Variants in AKAP6 observed in about 807,000 individuals in gnomAD.
AKAP6 encodes the protein A-kinase anchoring protein 6.
Under a neutral mutation model 188.5 loss-of-function variants are expected in AKAP6, and 58 were observed. The ratio of observed to expected loss-of-function variants is 0.31; its 90% CI spans 0.25 to 0.38. The LOEUF is 0.38. Ranked by LOEUF, AKAP6 falls within the 10% of genes least tolerant of loss-of-function variation. The pLI is 1.00. For missense variants in AKAP6, 2,710 were observed against 2,740.0 expected (o/e 0.99, Z 0.24); for synonymous variants, 989 against 998.6 (o/e 0.99, Z 0.18).
At chr14:32,578,608 A>G (rs1051195922) in intron 5 of AKAP6, among the ~76,000 whole-genome samples, 1 of 152,196 alleles carries the variant, frequency 6.6e-6, no homozygotes, top group Admixed American at 6.5e-5. Flanking sequence ...TTTCACTGGC[A>G]TTGTTCTGAC....
At chr14:32,741,018 C>CT (rs765988445) in intron 11 of AKAP6, among the ~76,000 whole-genome samples, 29,342 of 136,576 alleles carry the variant, frequency 0.21, 3,084 homozygotes, top group Middle Eastern at 0.27. Context: ...TTCCTTTTTT[C>CT]TTTTTTTTTT....
chr14:32,350,623 T>G (rs2138444355), intron 1 of AKAP6, among the ~76,000 whole-genome samples: 1 of 152,318 alleles, frequency 6.6e-6, no homozygotes, highest in Non-Finnish European at 1.5e-5. Context: ...AGTTTTATAC[T>G]TTTTACATAT....
In AKAP6 at chr14:32,350,629, C is replaced by T. The variant is rs559196696; in HGVS notation, c.-35+21221C>T. ...ACTAAGATCAGTTTTATACTTTTTA[C>T]ATATGTACCTTGATAACATGAGATG... On this transcript the variant is annotated intron_variant, in intron 1 of 13. Transcript: ENST00000280979. Among the ~76,000 whole-genome samples the T allele has an allele frequency of 3.3e-5, 5 of 152,228 alleles. No individual in the cohort carries two copies. The South Asian group carries it at 1.0e-3, about 32-fold the overall frequency.
In AKAP6 at chr14:32,675,696, C is replaced by A. The variant is rs192175164; in HGVS notation, c.2731-2615C>A. Among the ~76,000 whole-genome samples, 169 of 152,326 alleles carry A rather than the reference C, an allele frequency of 1.1e-3. 1 individual carries two copies. The highest frequency in any genetic ancestry group is 3.8e-3 in the African/African-American group (160 of 41,574). On this transcript the variant is annotated intron_variant, in intron 7 of 13. Coordinates refer to ENST00000280979, the MANE Select transcript of AKAP6 (RefSeq NM_004274.5). ...GAAAGACCTGGGCCATCTAATTCAT[C>A]TCCTTGTTAGTGCAGGGAAGTTTCC... is the stretch of plus-strand genomic sequence containing the variant.
intron 7 of AKAP6, among the ~76,000 whole-genome samples, chr14:32,642,101 T>C (rs1356535572): frequency 6.6e-6 from 1 of 152,196 alleles, no homozygotes; most frequent in Non-Finnish European, 1.5e-5. Context: ...ATCTAATAAC[T>C]AGCATATCAG....
At position 32,334,124 on chromosome 14, in the gene AKAP6, CAT is replaced by C. The variant is rs201659559; in HGVS notation, c.-35+4720_-35+4721del. Reference sequence around the variant, plus strand: ...GTGGTTTTTCAGAGGAATAGCAATCCATATAGGACTTTGGCCATGGCAACAGA... The same window carrying C: ...GTGGTTTTTCAGAGGAATAGCAATCCATAGGACTTTGGCCATGGCAACAGA... On this transcript the variant is annotated intron_variant, in intron 1 of 13. Transcript: ENST00000280979. Among the ~76,000 whole-genome samples, 1,023 of 152,246 alleles carry C rather than the reference CAT, an allele frequency of 6.7e-3. 10 individuals are homozygous for C. Among genetic ancestry groups the C allele is most frequent in the African/African-American group, 0.023 (972 of 41,542 alleles).
intron 11 of AKAP6, among the ~76,000 whole-genome samples, chr14:32,759,494 C>T (rs2032463051): frequency 1.3e-5 from 2 of 152,136 alleles, no homozygotes; most frequent in African/African-American, 4.8e-5. Flanking sequence ...AGCAAAAGAG[C>T]CAATGAGTGT....
intron 10 of AKAP6, among the ~76,000 whole-genome samples, 154 bp from the exon 11 acceptor site, chr14:32,735,504 G>A (rs1361296693): frequency 6.6e-6 from 1 of 152,060 alleles, no homozygotes; most frequent in Non-Finnish European, 1.5e-5. Context: ...GAGGTGGCAG[G>A]TATAGATGGA....
At chr14:32,357,856 A>G (rs1351676106) in intron 1 of AKAP6, among the ~76,000 whole-genome samples, 2 of 152,224 alleles carry the variant, frequency 1.3e-5, no homozygotes, top group Non-Finnish European at 2.9e-5. Flanking sequence ...GTAATGCACA[A>G]TCTGCATTGT....
chr14:32,509,988 T>G (rs1881093801), intron 2 of AKAP6, among the ~76,000 whole-genome samples: 1 of 152,134 alleles, frequency 6.6e-6, no homozygotes. Flanking sequence ...GCTGACCTCA[T>G]GCAGATTGAA....
intron 7 of AKAP6, among the ~76,000 whole-genome samples, chr14:32,637,816 G>T (rs1174465607): frequency 6.6e-6 from 1 of 152,026 alleles, no homozygotes; most frequent in African/African-American, 2.4e-5. Flanking sequence ...GATAATGGGA[G>T]TTGATTGCAG....
At chr14:32,616,282 A>G (rs773940836) in intron 7 of AKAP6, among the ~76,000 whole-genome samples, 3 of 152,212 alleles carry the variant, frequency 2.0e-5, no homozygotes, top group Non-Finnish European at 4.4e-5. Context: ...TAATCGTTCT[A>G]TCATAAAGAC....
At chr14:32,663,831 T>C (rs1888805877) in intron 7 of AKAP6, among the ~76,000 whole-genome samples, 1 of 152,110 alleles carries the variant, frequency 6.6e-6, no homozygotes, top group Non-Finnish European at 1.5e-5. Flanking sequence ...AGATCTTTCC[T>C]TTAAATAGAT....
intron 12 of AKAP6, among the ~76,000 whole-genome samples, chr14:32,800,977 A>G (rs1221616261): frequency 2.6e-5 from 4 of 152,180 alleles, no homozygotes; most frequent in East Asian, 1.9e-4. Flanking sequence ...TGATTGTACC[A>G]CTACGTGCCA....
intron 7 of AKAP6, among the ~76,000 whole-genome samples, chr14:32,651,152 A>T (rs1048209571): frequency 6.6e-6 from 1 of 152,176 alleles, no homozygotes; most frequent in Non-Finnish European, 1.5e-5. Context: ...GCCTTTTAAC[A>T]TATATTTTAA....
At position 32,824,436 on chromosome 14, in the gene AKAP6, C is replaced by G. The variant is rs542543698; in HGVS notation, c.6623C>G (p.Ala2208Gly). ...FSDSSLSADDADTVALSSPSS... is the reference protein window; with the variant it reads ...FSDSSLSADDGDTVALSSPSS... Reference sequence around the variant, plus strand: ...GATAGTTCTCTTTCAGCTGATGATGCAGATACAGTGGCTCTTTCAAGTCCT... The same window carrying G: ...GATAGTTCTCTTTCAGCTGATGATGGAGATACAGTGGCTCTTTCAAGTCCT... The change falls in exon 13 of 14, where the codon GCA (alanine) becomes GGA (glycine). Residue 2208 changes from alanine (A) to glycine (G), a missense_variant. Ala to Gly is a moderately conservative substitution (Grantham distance 60). This residue lies in a region of AKAP6 where 2,473 missense variants were observed against 2,426.1 expected (regional missense o/e 1.02). Transcript: ENST00000280979. 4 of 1,613,914 alleles carry G rather than the reference C, an allele frequency of 2.5e-6. No homozygotes were observed. In the Admixed American group the frequency reaches 6.7e-5, roughly 27 times the overall value.
chr14:32,470,256 A>G (rs1356008337), intron 2 of AKAP6, among the ~76,000 whole-genome samples: 6 of 152,166 alleles, frequency 3.9e-5, no homozygotes, highest in Non-Finnish European at 7.3e-5. Context: ...GTCTCCCTGC[A>G]TTTTAACAAG....
chr14:32,739,691 A>T (rs1309412431), intron 11 of AKAP6, among the ~76,000 whole-genome samples: 2 of 152,144 alleles, frequency 1.3e-5, no homozygotes, highest in Non-Finnish European at 2.9e-5. Flanking sequence ...GTTGTTGTAA[A>T]TGACACGATC....
At chr14:32,786,296 A>ATGTGTTTTTTTTTT in intron 12 of AKAP6, among the ~76,000 whole-genome samples, 2 of 93,706 alleles carry the variant, frequency 2.1e-5, no homozygotes, top group Admixed American at 1.3e-4. Flanking sequence ...CTAAACCTTT[A>ATGTGTTTTTTTTTT]TCTTTTTTTT....
Sources: gnomAD v4.1 joint callset for allele counts (sites outside exome capture counted in the v4.1 genomes callset) on GRCh38, gnomAD v4.1.1 for gene constraint, gnomAD v4.1.1 regional missense constraint, MANE v1.5 for transcripts, NCBI Gene and HGNC (gene_info 2026-07-23, HGNC 2026-07-21) for gene names.